NCAM2: variants seen among roughly 807,000 people sequenced by gnomAD.
NCAM2 encodes the protein N-CAM-2.
NCAM2 carries 30 observed loss-of-function variants against 98.1 expected under a neutral mutation model. That is an observed-to-expected ratio of 0.31 (90% CI 0.23 to 0.41). The LOEUF (loss-of-function observed/expected upper bound fraction) is 0.41. Among genes scored for constraint, NCAM2 ranks in the 10% least tolerant of loss-of-function variants. NCAM2 has a pLI of 1.00. For synonymous variants in NCAM2, 368 were observed against 342.4 expected, an observed-to-expected ratio of 1.07 and a Z score of -0.83; for missense variants, 867 against 1,005.8, an observed-to-expected ratio of 0.86 and a Z score of 1.87.
At chr21:21,163,584 A>C (rs1794859172) in intron 1 of NCAM2, among the ~76,000 whole-genome samples, 1 of 152,174 alleles carries the variant, frequency 6.6e-6, no homozygotes, top group South Asian at 2.1e-4. Context: ...TGAATTAAGC[A>C]TTAATGAATT....
chr21:21,510,620 T>C (rs980664256), intron 16 of NCAM2, among the ~76,000 whole-genome samples: 2 of 152,042 alleles, frequency 1.3e-5, no homozygotes, highest in African/African-American at 2.4e-5. Context: ...GGCTTTATCA[T>C]ATAATTTTGT....
intron 4 of NCAM2, among the ~76,000 whole-genome samples, chr21:21,291,020 A>T (rs2073272090): frequency 8.1e-6 from 1 of 124,180 alleles, no homozygotes; most frequent in South Asian, 3.0e-4. Flanking sequence ...ACAGATAGGG[A>T]AAAAAGCAGT....
chr21:21,257,681 G>A (rs2071728228), intron 1 of NCAM2, among the ~76,000 whole-genome samples: 1 of 152,016 alleles, frequency 6.6e-6, no homozygotes, highest in South Asian at 2.1e-4. Flanking sequence ...CTCCCGGGTT[G>A]AAGCAATTCT....
intron 9 of NCAM2, among the ~76,000 whole-genome samples, chr21:21,406,415 C>A (rs1284157658): frequency 6.6e-6 from 1 of 152,164 alleles, no homozygotes; most frequent in Non-Finnish European, 1.5e-5. Flanking sequence ...GATCAGAAAT[C>A]AAGGGTGCGG....
chr21:21,059,453 C>T (rs1601237524), intron 1 of NCAM2, among the ~76,000 whole-genome samples: 1 of 152,006 alleles, frequency 6.6e-6, no homozygotes, highest in Non-Finnish European at 1.5e-5. Context: ...TTTGTGGCTG[C>T]TGAGTTGTAT....
At chr21:21,532,928 AT>A (rs1475201348) in intron 16 of NCAM2, among the ~76,000 whole-genome samples, 3 of 151,964 alleles carry the variant, frequency 2.0e-5, no homozygotes, top group Admixed American at 2.0e-4. Context: ...CAGACATCTG[AT>A]TTTCAGAGCT....
At chr21:21,164,315 A>G (rs2067883436) in intron 1 of NCAM2, among the ~76,000 whole-genome samples, 1 of 152,332 alleles carries the variant, frequency 6.6e-6, no homozygotes, top group East Asian at 1.9e-4. Flanking sequence ...ATGATTACAA[A>G]TACTTTTTTG....
chr21:21,419,713 G>T (rs1352208142), intron 11 of NCAM2, among the ~76,000 whole-genome samples: 2 of 151,914 alleles, frequency 1.3e-5, no homozygotes, highest in African/African-American at 4.8e-5. Context: ...TGGCTGCATA[G>T]TATTCCATGG....
intron 1 of NCAM2, among the ~76,000 whole-genome samples, chr21:21,062,159 G>C (rs753640458): frequency 6.6e-6 from 1 of 152,114 alleles, no homozygotes; most frequent in Non-Finnish European, 1.5e-5. Context: ...TCTTGAAAAA[G>C]AGAGGGTTTG....
chr21:21,446,218 C>T (rs1213342679), intron 12 of NCAM2, among the ~76,000 whole-genome samples: 1 of 152,224 alleles, frequency 6.6e-6, no homozygotes, highest in East Asian at 1.9e-4. Flanking sequence ...GTCTGATGGG[C>T]TTCCCCATGT....
chr21:21,337,249 T>C (rs1004739256), intron 7 of NCAM2, among the ~76,000 whole-genome samples: 4 of 152,098 alleles, frequency 2.6e-5, no homozygotes, highest in Admixed American at 1.3e-4. Context: ...AGAAAAAAGA[T>C]TTTTTACATT....
At chr21:21,295,829 GTCTGTTTCTC>G (rs2073457081) in intron 5 of NCAM2, among the ~76,000 whole-genome samples, 1 of 149,154 alleles carries the variant, frequency 6.7e-6, no homozygotes, top group African/African-American at 2.5e-5. Flanking sequence ...TAGTGCTTTT[GTCTGTTTCTC>G]TCTCTCTCTC....
chr21:21,432,399 G>A (rs2077367559), intron 12 of NCAM2, 118 bp downstream of exon 12: 1 of 914,474 alleles, frequency 1.1e-6, no homozygotes, highest in Non-Finnish European at 1.6e-6. Flanking sequence ...ATGGTGTTGG[G>A]AAGATATTTT....
intron 1 of NCAM2, among the ~76,000 whole-genome samples, chr21:20,999,816 CAG>C (rs1401447215): frequency 1.3e-5 from 2 of 152,172 alleles, no homozygotes; most frequent in African/African-American, 4.8e-5. Flanking sequence ...TGCTCTTCCA[CAG>C]AGTCCTTCTA....
intron 12 of NCAM2, among the ~76,000 whole-genome samples, chr21:21,451,125 G>A (rs1272565933): frequency 5.3e-5 from 8 of 152,014 alleles, no homozygotes; most frequent in African/African-American, 7.3e-5. Flanking sequence ...CATCAGTCAC[G>A]CCTCTCTGTC....
intron 8 of NCAM2, among the ~76,000 whole-genome samples, chr21:21,340,359 A>G (rs2074991123): frequency 6.6e-6 from 1 of 151,994 alleles, no homozygotes. Context: ...CAGTTATTTC[A>G]TTAATAAATG....
chr21:21,308,098 A>G (rs1158507422), intron 5 of NCAM2, among the ~76,000 whole-genome samples: 1 of 149,142 alleles, frequency 6.7e-6, no homozygotes, highest in Non-Finnish European at 1.5e-5. Context: ...TACACACACT[A>G]TGTATAGATT....
intron 1 of NCAM2, among the ~76,000 whole-genome samples, chr21:21,198,575 A>C (rs2069096403): frequency 6.6e-6 from 1 of 152,170 alleles, no homozygotes; most frequent in South Asian, 2.1e-4. Flanking sequence ...GCAATGTAGA[A>C]AAAATAATTC....
chr21:21,442,325 T>C (rs1401332123), intron 12 of NCAM2, among the ~76,000 whole-genome samples: 3 of 152,156 alleles, frequency 2.0e-5, no homozygotes, highest in Non-Finnish European at 4.4e-5. Flanking sequence ...TTAAAGGTAG[T>C]GTCCAGAGAA....
Sources: allele counts gnomAD v4.1 joint callset (sites outside exome capture counted in the v4.1 genomes callset), GRCh38; gene constraint gnomAD v4.1.1; transcripts MANE v1.5; gene names NCBI Gene and HGNC (gene_info 2026-07-23, HGNC 2026-07-21).